SUPT3H: variants seen among roughly 807,000 people sequenced by gnomAD.
SUPT3H encodes the protein SPT3 homolog, SAGA and STAGA complex component.
Under a neutral mutation model 44.3 loss-of-function variants are expected in SUPT3H, and 44 were observed. The ratio of observed to expected loss-of-function variants is 0.99; its 90% confidence interval spans 0.78 to 1.28. The LOEUF is 1.28. SUPT3H is among the 50% of genes most tolerant of loss of function. The probability of loss-of-function intolerance (pLI) is 0.00; values close to 1 mark genes in which losing one functional copy is unlikely to be tolerated. For missense variants in SUPT3H, 380 were observed against 387.1 expected (o/e 0.98, Z 0.15); for synonymous variants, 124 against 125.6 (o/e 0.99, Z 0.09).
At chr6:44,824,713 T>G (rs1001689136), downstream of SUPT3H, among the ~76,000 whole-genome samples, 8 of 152,180 alleles carry the variant, frequency 5.3e-5, no homozygotes, top group African/African-American at 1.9e-4. Context: ...GAGATCAGCC[T>G]GGGCAACAAA....
chr6:44,818,224 G>A (rs911326313), intron 11 of SUPT3H, among the ~76,000 whole-genome samples: 2 of 151,786 alleles, frequency 1.3e-5, no homozygotes, highest in South Asian at 2.1e-4. Context: ...TCAACGAGTG[G>A]TATTGAAACT....
At chr6:45,106,966 A>T (rs1799376248) in intron 2 of SUPT3H, among the ~76,000 whole-genome samples, 1 of 152,270 alleles carries the variant, frequency 6.6e-6, no homozygotes, top group South Asian at 2.1e-4. Flanking sequence ...ATAGAAAGGT[A>T]TAAAAGTGTA....
intron 2 of SUPT3H, among the ~76,000 whole-genome samples, chr6:45,173,431 A>G (rs1811157512): frequency 6.6e-6 from 1 of 152,216 alleles, no homozygotes; most frequent in Admixed American, 6.5e-5. Context: ...ATCTCATTTA[A>G]TCTACAAAAC....
At chr6:45,343,263 A>C (rs1478097303) in intron 2 of SUPT3H, among the ~76,000 whole-genome samples, 3 of 152,116 alleles carry the variant, frequency 2.0e-5, no homozygotes, top group African/African-American at 4.8e-5. Context: ...TAATCCCAGC[A>C]CTTTGGGAGG....
chr6:45,199,843 G>GT (rs1762200087), intron 2 of SUPT3H, among the ~76,000 whole-genome samples: 1 of 151,290 alleles, frequency 6.6e-6, no homozygotes, highest in South Asian at 2.1e-4. Context: ...TTGAACTCAG[G>GT]TTTTTCAAAG....
intron 10 of SUPT3H, among the ~76,000 whole-genome samples, chr6:44,865,068 G>A (rs1300046670): frequency 6.6e-6 from 1 of 152,150 alleles, no homozygotes; most frequent in Non-Finnish European, 1.5e-5. Context: ...TCTCTCTCAA[G>A]TTGAAAGTTC....
chr6:45,061,819 A>G (rs1231525464), intron 3 of SUPT3H, among the ~76,000 whole-genome samples: 1 of 150,082 alleles, frequency 6.7e-6, no homozygotes, highest in Non-Finnish European at 1.5e-5. Flanking sequence ...AAATGATACC[A>G]TTGTTCTGAG....
intron 2 of SUPT3H, among the ~76,000 whole-genome samples, chr6:45,233,680 G>A (rs920691225): frequency 6.6e-6 from 1 of 152,168 alleles, no homozygotes; most frequent in Non-Finnish European, 1.5e-5. Context: ...GGATTCTGGT[G>A]TTCTCTCCTA....
At chr6:45,078,006 T>A (rs897101608) in intron 3 of SUPT3H, among the ~76,000 whole-genome samples, 2 of 151,970 alleles carry the variant, frequency 1.3e-5, no homozygotes, top group Non-Finnish European at 2.9e-5. Flanking sequence ...ATCTAAAACA[T>A]AAGAAAGACA....
In SUPT3H at chr6:44,897,684, G is replaced by A. The variant is rs181628964; in HGVS notation, c.912+34969C>T. 1.1e-4 allele frequency among the ~76,000 whole-genome samples: 17 copies of A among 152,262 alleles called. No homozygotes were observed. The East Asian group carries it at 2.9e-3, about 26-fold the overall frequency. ...GAAATTAATCACTGGACATCTACTTGTATTATGCAGTGTGCTGGTTCCTGG... is the reference window on the plus strand; with the variant it reads ...GAAATTAATCACTGGACATCTACTTATATTATGCAGTGTGCTGGTTCCTGG... On this transcript the variant is annotated intron_variant, in intron 10 of 10. Coordinates refer to ENST00000371459, the MANE Select transcript of SUPT3H (RefSeq NM_003599.4).
At chr6:45,051,181 G>A (rs143685761) in intron 3 of SUPT3H, among the ~76,000 whole-genome samples, 2,670 of 152,238 alleles carry the variant, frequency 0.018, 53 homozygotes, top group South Asian at 0.086. Flanking sequence ...GAGCCACTGC[G>A]CCCAGCCTGA....
At chr6:44,890,191 G>A (rs761706841) in intron 10 of SUPT3H, among the ~76,000 whole-genome samples, 2,383 of 149,912 alleles carry the variant, frequency 0.016, 23 homozygotes, top group Non-Finnish European at 0.024. Context: ...CATTGTGGAA[G>A]TCAGTGTGGC....
At chr6:45,301,794 T>C (rs1034934344) in intron 2 of SUPT3H, among the ~76,000 whole-genome samples, 6 of 152,222 alleles carry the variant, frequency 3.9e-5, no homozygotes, top group Non-Finnish European at 5.9e-5. Context: ...AGCTGTACTT[T>C]GTTTTAATAT....
chr6:45,113,492 A>C lies in SUPT3H; in HGVS notation c.102-7486T>G, dbSNP rs1166969584. Among the ~76,000 whole-genome samples the C allele has an allele frequency of 5.9e-5, 9 of 152,318 alleles. No individual in the cohort carries two copies. In the East Asian group the frequency reaches 1.7e-3, roughly 29 times the overall value. ...CACCTGTTTTCAAAGGAAGAAATGA[A>C]TTTTATTAACAATAGCTCTAAGAAA... On this transcript the variant is annotated intron_variant, in intron 2 of 10. Coordinates refer to ENST00000371459, the MANE Select transcript of SUPT3H (RefSeq NM_003599.4).
At chr6:45,084,113 C>T (rs1057372769) in intron 3 of SUPT3H, among the ~76,000 whole-genome samples, 1 of 152,118 alleles carries the variant, frequency 6.6e-6, no homozygotes, top group African/African-American at 2.4e-5. Context: ...TCCTCAAAAG[C>T]AAGCGCAACA....
chr6:45,096,895 T>A (rs374984107), intron 3 of SUPT3H, among the ~76,000 whole-genome samples: 3 of 152,280 alleles, frequency 2.0e-5, no homozygotes. Flanking sequence ...AATCTTGATA[T>A]ATATCTATCA....
In SUPT3H at chr6:45,207,088, C is replaced by T. The variant is rs140998527; in HGVS notation, c.102-101082G>A. Among the ~76,000 whole-genome samples the T allele has an allele frequency of 2.1e-3, 324 of 152,098 alleles. 1 individual carries two copies. Among genetic ancestry groups the T allele is most frequent in the African/African-American group, 7.5e-3 (310 of 41,502 alleles). ...AAGAAACAAAGGCTGAAACCTAGCA[C>T]AATCCATTGTTCAGAGATCCAGAAG... is the stretch of plus-strand genomic sequence containing the variant. On this transcript the variant is annotated intron_variant, in intron 2 of 10. Coordinates refer to ENST00000371459, the MANE Select transcript of SUPT3H (RefSeq NM_003599.4).
intron 2 of SUPT3H, among the ~76,000 whole-genome samples, chr6:45,231,584 C>T (rs562370165): frequency 3.9e-5 from 6 of 152,256 alleles, no homozygotes; most frequent in African/African-American, 1.4e-4. Flanking sequence ...AACCTTTTTA[C>T]ATTGCATGTG....
At chr6:45,284,771 GA>G (rs1418534886) in intron 2 of SUPT3H, among the ~76,000 whole-genome samples, 3 of 152,122 alleles carry the variant, frequency 2.0e-5, no homozygotes, top group Non-Finnish European at 4.4e-5. Context: ...TGATACCAAA[GA>G]CTAGCAGAGA....
Sources: allele counts gnomAD v4.1 joint callset (sites outside exome capture counted in the v4.1 genomes callset), GRCh38; gene constraint gnomAD v4.1.1; transcripts MANE v1.5; gene names NCBI Gene and HGNC (gene_info 2026-07-23, HGNC 2026-07-21).